Variants in FMN1 observed in about 807,000 individuals in gnomAD.
The protein encoded by FMN1 is formin 1.
A neutral mutation model predicts 132.4 loss-of-function variants in FMN1; 110 were observed. The ratio of observed to expected loss-of-function variants is 0.83; its 90% CI spans 0.71 to 0.97. The LOEUF (loss-of-function observed/expected upper bound fraction) is 0.97, where lower values mean the gene tolerates loss of function less well. Among genes scored for constraint, FMN1 ranks in the 50% least tolerant of loss-of-function variants. The probability of loss-of-function intolerance (pLI) is 0.00; values close to 1 mark genes in which losing one functional copy is unlikely to be tolerated. For missense variants in FMN1, 1,792 were observed against 1,705.3 expected (o/e 1.05, Z -0.90); for synonymous variants, 722 against 651.7 (o/e 1.11, Z -1.64).
In FMN1 at chr15:33,054,867, C is replaced by T. The variant is rs1395646834; in HGVS notation, c.2161+10090G>A. Among the ~76,000 whole-genome samples, 10 of 152,164 alleles carry T rather than the reference C, an allele frequency of 6.6e-5. No homozygotes were observed. The East Asian group carries it at 1.9e-3, about 29-fold the overall frequency. ...GCTACTTGTATCTTACATGGAAATA[C>T]AAAGAGCTGAGAGTAACCAAGGAAC... On this transcript the variant is annotated intron_variant, in intron 6 of 20. Coordinates refer to ENST00000616417, the MANE Select transcript of FMN1 (RefSeq NM_001277313.2).
chr15:33,172,163 G>C (rs542352095), intron 3 of FMN1, among the ~76,000 whole-genome samples: 6 of 151,512 alleles, frequency 4.0e-5, no homozygotes, highest in African/African-American at 1.5e-4. Context: ...AGCCGAGATC[G>C]CGCCACTGCA....
At chr15:32,823,171 T>G (rs1364248674) in intron 17 of FMN1, among the ~76,000 whole-genome samples, 15 of 122,706 alleles carry the variant, frequency 1.2e-4, no homozygotes, top group South Asian at 2.8e-4. Context: ...TTTTTTTTTT[T>G]TTTTTTTTGA....
chr15:32,891,383 G>T lies in FMN1; in HGVS notation c.3715-3091C>A, dbSNP rs529262125. ...CTGCCTCAGCCTCCCAAGCAGCTGGGACCACAGGCACCCGCCACCACGCCC... is the reference window on the plus strand; with the variant it reads ...CTGCCTCAGCCTCCCAAGCAGCTGGTACCACAGGCACCCGCCACCACGCCC... On this transcript the variant is annotated intron_variant, in intron 15 of 20. Coordinates refer to ENST00000616417, the MANE Select transcript of FMN1 (RefSeq NM_001277313.2). 7.9e-5 allele frequency among the ~76,000 whole-genome samples: 12 copies of T among 152,286 alleles called. No individual in the cohort carries two copies. In the South Asian group the frequency reaches 2.5e-3, roughly 32 times the overall value.
Position 33,088,959 on chromosome 15 carries a change from C to T in FMN1, c.1883G>A (p.Gly628Asp), listed in dbSNP as rs1273802061. ...HQSPPGISSEGFPWDGFNEQT... is the reference protein window; with the variant it reads ...HQSPPGISSEDFPWDGFNEQT... ...CTCATTGAAGCCGTCCCAGGGAAAG[C>T]CCTCAGAGGAGATACCTAAACAAAC... is the stretch of plus-strand genomic sequence containing the variant. Residue 628 changes from glycine to aspartate, a missense_variant, in exon 5 of 21, where the codon GGC (glycine) becomes GAC (aspartate). By Grantham distance (94) the Gly-to-Asp change is moderately conservative. Transcript: ENST00000616417. The T allele has an allele frequency of 2.0e-6, 3 of 1,534,246 alleles. No homozygotes were observed. In the Admixed American group the frequency reaches 5.9e-5, roughly 30 times the overall value.
Position 32,970,595 on chromosome 15 carries a change from A to C in FMN1, c.2224-1118T>G, listed in dbSNP as rs567668078. 2.0e-5 allele frequency: 3 copies of C among 152,376 alleles called. No individual in the cohort carries two copies. The East Asian group carries it at 5.8e-4, about 29-fold the overall frequency. 9.4% of individuals were successfully genotyped at this position (152,376 alleles called of 1,614,324 possible). A position where few individuals can be genotyped will look rare whatever the true frequency, so the allele number is the denominator to read the frequency against. ...TCTCTTCACTATAATTTCAGCACAA[A>C]TATCTAGAACACCTAAAGCATGCAC... On this transcript the variant is annotated intron_variant, in intron 7 of 20. Transcript: ENST00000616417.
chr15:32,868,566 C>T (rs1421818763), intron 16 of FMN1, among the ~76,000 whole-genome samples: 1 of 152,186 alleles, frequency 6.6e-6, no homozygotes, highest in African/African-American at 2.4e-5. Context: ...TGACACATGA[C>T]TGTATGTATG....
intron 5 of FMN1, chr15:33,066,658 G>A (rs776121452): frequency 3.1e-6 from 5 of 1,613,806 alleles, no homozygotes; most frequent in Admixed American, 1.7e-5. Flanking sequence ...GGGGCCGGAT[G>A]AATAGGGCTT....
chr15:32,963,918 A>G (rs1000104128), intron 9 of FMN1, among the ~76,000 whole-genome samples, 189 bp downstream of exon 9: 5 of 148,104 alleles, frequency 3.4e-5, no homozygotes, highest in Non-Finnish European at 5.9e-5. Flanking sequence ...ATGAATTCCT[A>G]TGAATCACAC....
At chr15:32,867,658 A>AT (rs1216026534) in intron 16 of FMN1, among the ~76,000 whole-genome samples, 1 of 151,970 alleles carries the variant, frequency 6.6e-6, no homozygotes, top group African/African-American at 2.4e-5. Flanking sequence ...GCAAAGGCTA[A>AT]TTTTTTGTAT....
At chr15:33,180,651 C>T (rs190773133) in intron 2 of FMN1, among the ~76,000 whole-genome samples, 21 of 151,976 alleles carry the variant, frequency 1.4e-4, no homozygotes, top group Non-Finnish European at 2.6e-4. Context: ...AGTGTTCACA[C>T]TGCAATGAGA....
chr15:32,850,810 A>G (rs1451886968), intron 17 of FMN1, among the ~76,000 whole-genome samples: 3 of 152,216 alleles, frequency 2.0e-5, no homozygotes, highest in Non-Finnish European at 1.5e-5. Flanking sequence ...ACTAGAAAAT[A>G]GTTCTTTTTT....
In FMN1 at chr15:33,154,582, C is replaced by T. The variant is rs1445621447; in HGVS notation, c.333G>A (p.Thr111=). The T allele has an allele frequency of 2.6e-6, 4 of 1,535,992 alleles. No homozygotes were observed. Among genetic ancestry groups the T allele is most frequent in the East Asian group, 2.4e-5 (1 of 40,916 alleles). Residue 111 remains threonine, a synonymous_variant, in exon 4 of 21, where the codon ACG becomes ACA. Transcript: ENST00000616417. ...LLSSDHILGI[T]MGNQEGKLQE... ...GCAGCTTCCCCTCCTGGTTCCCCAT[C>T]GTGATCCCCAGGATGTGGTCTGAGC... is the stretch of plus-strand genomic sequence containing the variant.
intron 4 of FMN1, among the ~76,000 whole-genome samples, chr15:33,126,117 T>C (rs573960127): frequency 1.3e-5 from 2 of 152,264 alleles, no homozygotes; most frequent in East Asian, 3.9e-4. Context: ...CTTTTGCAGC[T>C]GTGGCTGCCA....
At position 33,130,822 on chromosome 15, in the gene FMN1, T is replaced by G. The variant is rs529615636; in HGVS notation, c.1867+22226A>C. On this transcript the variant is annotated intron_variant, in intron 4 of 20. Transcript: ENST00000616417. Reference sequence around the variant, plus strand: ...GATTTAATTTTATTTATTTTATTTTTGGGCTGTTATAATTTTTAAAACTTG... The same window carrying G: ...GATTTAATTTTATTTATTTTATTTTGGGGCTGTTATAATTTTTAAAACTTG... Among the ~76,000 whole-genome samples the G allele has an allele frequency of 1.8e-3, 271 of 152,332 alleles. 1 individual carries two copies. Among genetic ancestry groups the G allele is most frequent in the African/African-American group, 6.3e-3 (261 of 41,584 alleles).
chr15:33,065,509 T>G (rs2037683699), intron 5 of FMN1, among the ~76,000 whole-genome samples: 1 of 152,174 alleles, frequency 6.6e-6, no homozygotes, highest in African/African-American at 2.4e-5. Flanking sequence ...CAAGACACCC[T>G]TTTTCAAACA....
chr15:32,888,201 T>C lies in FMN1; in HGVS notation c.3806A>G (p.Asp1269Gly). ...SQVKFEDLIK[D>G]LRKLKRQLEA... is the part of the protein sequence containing the mutation. ...TAGTTGCCTCTTCAGTTTTCTCAAA[T>C]CTTTTATGAGGTCTTCAAACTTGAC... Residue 1269 changes from aspartate to glycine, a missense_variant, in exon 16 of 21, where the codon GAT becomes GGT. Asp to Gly is a moderately conservative substitution (Grantham distance 94, BLOSUM62 -1). Coordinates refer to ENST00000616417, the MANE Select transcript of FMN1 (RefSeq NM_001277313.2). The C allele has an allele frequency of 6.2e-7, 1 of 1,612,400 alleles. No homozygotes were observed. The highest frequency in any genetic ancestry group is 1.7e-4 in the Middle Eastern group (1 of 6,054).
intron 9 of FMN1, among the ~76,000 whole-genome samples, chr15:32,941,753 A>G (rs1178277161): frequency 6.6e-6 from 1 of 152,166 alleles, no homozygotes; most frequent in East Asian, 1.9e-4. Context: ...TTCTGCTCTC[A>G]GGGAAGGTAG....
rs1006931418 is a variant in FMN1 at position 32,820,338 on chromosome 15, CAA to C, written c.3929-16008_3929-16007del. ...GACAGGCCACTTTTTCTTTTAACTG[CAA>C]AGAGAGAGGCTTTAATTCTATTATG... is the stretch of plus-strand genomic sequence containing the variant. On this transcript the variant is annotated intron_variant, in intron 17 of 20. Coordinates refer to ENST00000616417, the MANE Select transcript of FMN1 (RefSeq NM_001277313.2). 6.6e-5 allele frequency among the ~76,000 whole-genome samples: 10 copies of C among 152,258 alleles called. No homozygotes were observed. In the South Asian group the frequency reaches 8.3e-4, roughly 13 times the overall value.
chr15:33,088,860 G>A lies in FMN1; in HGVS notation c.1982C>T (p.Pro661Leu), dbSNP rs776684096. 5.7e-5 allele frequency: 88 copies of A among 1,535,808 alleles called. No homozygotes were observed. Among genetic ancestry groups the A allele is most frequent in the Non-Finnish European group, 7.2e-5 (83 of 1,146,826 alleles). Residue 661 changes from proline to leucine, a missense_variant, in exon 5 of 21, where the codon CCA (proline) becomes CTA (leucine). By Grantham distance (98) the Pro-to-Leu change is moderately conservative. Coordinates refer to ENST00000616417, the MANE Select transcript of FMN1 (RefSeq NM_001277313.2). ...VLGYRAGPAC[P>L]FLLHEEREKS... ...CTCCCTTTCCTCATGAAGCAAAAATGGACAGGCTGGTCCCGCTCTGTAGCC... is the reference window on the plus strand; with the variant it reads ...CTCCCTTTCCTCATGAAGCAAAAATAGACAGGCTGGTCCCGCTCTGTAGCC...
Sources: gnomAD v4.1 joint callset for allele counts (sites outside exome capture counted in the v4.1 genomes callset) on GRCh38, gnomAD v4.1.1 for gene constraint, MANE v1.5 for transcripts, NCBI Gene and HGNC (gene_info 2026-07-23, HGNC 2026-07-21) for gene names.